Variants in RASSF2 observed in about 807,000 individuals in gnomAD.
RASSF2 encodes ras association domain-containing protein 2.
Under a neutral mutation model 46.3 loss-of-function variants are expected in RASSF2, and 34 were observed. That is an observed-to-expected ratio of 0.73 (90% CI 0.56 to 0.98). The LOEUF (loss-of-function observed/expected upper bound fraction) is 0.98. Ranked by LOEUF, RASSF2 falls within the 50% of genes least tolerant of loss-of-function variation. The probability of loss-of-function intolerance (pLI) is 0.00; values close to 1 mark genes in which losing one functional copy is unlikely to be tolerated. For synonymous variants in RASSF2, 158 were observed against 162.5 expected (o/e 0.97, Z 0.21); for missense variants, 364 against 431.2 (o/e 0.84, Z 1.38).
intron 2 of RASSF2, among the ~76,000 whole-genome samples, chr20:4,804,643 T>A (rs1401264811): frequency 6.6e-6 from 1 of 152,188 alleles, no homozygotes; most frequent in Non-Finnish European, 1.5e-5. Flanking sequence ...TGGCCAAAAC[T>A]TTTCTTTCTT....
chr20:4,785,355 A>G (rs1164112077), intron 11 of RASSF2, among the ~76,000 whole-genome samples: 1 of 152,006 alleles, frequency 6.6e-6, no homozygotes, highest in Non-Finnish European at 1.5e-5. Flanking sequence ...AAACAAAACA[A>G]CAACAACAAC....
At chr20:4,808,854 CAT>C (rs1927553554) in intron 2 of RASSF2, among the ~76,000 whole-genome samples, 1 of 152,200 alleles carries the variant, frequency 6.6e-6, no homozygotes, top group African/African-American at 2.4e-5. Context: ...CCTCTATGAA[CAT>C]AGTTACTTAC....
intron 1 of RASSF2, among the ~76,000 whole-genome samples, chr20:4,822,702 C>T (rs1928782120): frequency 6.6e-6 from 1 of 152,246 alleles, no homozygotes; most frequent in Admixed American, 6.5e-5. Context: ...GCACCAGCTC[C>T]GAAGGAGGGC....
chr20:4,795,686 G>T lies in RASSF2; in HGVS notation c.287+129C>A. ...CTCATTCCAAGGCTAAGGCAGGTGG[G>T]CAGTAGAGGTAGTAGGAGGAGGAGC... On this transcript the variant is annotated intron_variant, in intron 5 of 11. Coordinates refer to ENST00000379400, the MANE Select transcript of RASSF2 (RefSeq NM_014737.3). The surrounding 1 kb of genome is among the most constrained non-coding windows in gnomAD (Gnocchi z 4.0). The T allele has an allele frequency of 8.8e-7, 1 of 1,140,464 alleles. No homozygotes were observed. The highest frequency in any genetic ancestry group is 1.2e-6 in the Non-Finnish European group (1 of 815,438). 70.6% of individuals were successfully genotyped at this position (1,140,464 alleles called of 1,614,324 possible).
At chr20:4,810,622 G>A (rs1321600948) in intron 2 of RASSF2, among the ~76,000 whole-genome samples, 1 of 152,220 alleles carries the variant, frequency 6.6e-6, no homozygotes, top group Non-Finnish European at 1.5e-5. Context: ...CTCCAAGGGA[G>A]GGGCAGCCCT....
intron 11 of RASSF2, among the ~76,000 whole-genome samples, 153 bp from the exon 12 acceptor site, chr20:4,784,495 C>G (rs1183692278): frequency 6.9e-6 from 1 of 144,864 alleles, no homozygotes; most frequent in African/African-American, 2.6e-5. Flanking sequence ...CCCTCTTTAG[C>G]TACTTTGTTG....
In RASSF2 at chr20:4,792,550, G is replaced by A. The variant is rs1207670225; in HGVS notation, c.365C>T (p.Pro122Leu). Residue 122 changes from proline to leucine, a missense_variant, in exon 6 of 12, where the codon CCA (proline) becomes CTA (leucine). Pro to Leu is a moderately conservative substitution (Grantham distance 98). Coordinates refer to ENST00000379400, the MANE Select transcript of RASSF2 (RefSeq NM_014737.3). ...VDAPPEGDQM[P>L]SSTDSRGLKP... is the part of the protein sequence containing the mutation. ...CCACTCACATGTACCTGTGGAGCTT[G>A]GCATCTGGTCACCCTCCGGCGGGGC... 2 of 1,614,108 alleles carry A rather than the reference G, an allele frequency of 1.2e-6. No individual in the cohort carries two copies. Among genetic ancestry groups the A allele is most frequent in the Admixed American group, 1.7e-5 (1 of 60,016 alleles).
rs1329209019 is a variant in RASSF2 at position 4,800,985 on chromosome 20, T to C, written c.46A>G (p.Lys16Glu). The change falls in exon 3 of 12, where the codon AAA (lysine) becomes GAA (glutamate). Residue 16 changes from lysine (K) to glutamate (E), a missense_variant. Transcript: ENST00000379400. ...QTSLVPCGQD[K>E]YISKNELLLH... ...AAAACGTCTTACTTGGAAATGTATT[T>C]ATCTTGTCCACATGGGACTAGGGAC... The C allele has an allele frequency of 8.7e-6, 14 of 1,612,170 alleles. No individual in the cohort carries two copies. The highest frequency in any genetic ancestry group is 1.3e-5 in the African/African-American group (1 of 74,898).
chr20:4,800,957 A>T lies in RASSF2; in HGVS notation c.59+15T>A. 3 of 1,605,242 alleles carry T rather than the reference A, an allele frequency of 1.9e-6. No homozygotes were observed. The highest frequency in any genetic ancestry group is 2.6e-6 in the Non-Finnish European group (3 of 1,171,856). ...CTGGTCACTGAGGACAAAACACTCC[A>T]GCAAAACGTCTTACTTGGAAATGTA... On this transcript the variant is annotated intron_variant, in intron 3 of 11. Transcript: ENST00000379400.
chr20:4,798,996 G>A (rs1241538337), intron 3 of RASSF2, among the ~76,000 whole-genome samples: 1 of 151,986 alleles, frequency 6.6e-6, no homozygotes, highest in Non-Finnish European at 1.5e-5. Context: ...TATAGGATAT[G>A]TGCTTTTCTT....
Position 4,801,162 on chromosome 20 carries a change from G to T in RASSF2, c.-32-100C>A, listed in dbSNP as rs1926836523. 24 of 810,040 alleles carry T rather than the reference G, an allele frequency of 3.0e-5. 1 individual carries two copies. In the South Asian group the frequency reaches 3.7e-4, roughly 12 times the overall value. 50.2% of individuals were successfully genotyped at this position (810,040 alleles called of 1,614,324 possible). ...AGGGGGCACAAAATTGGACGCCATGGCTCTCCGTTCCTCCCCACCCAGATC... is the reference window on the plus strand; with the variant it reads ...AGGGGGCACAAAATTGGACGCCATGTCTCTCCGTTCCTCCCCACCCAGATC... On this transcript the variant is annotated intron_variant, in intron 2 of 11. Transcript: ENST00000379400.
chr20:4,794,993 A>T (rs2423001), intron 5 of RASSF2, among the ~76,000 whole-genome samples: 61,763 of 152,104 alleles, frequency 0.41, 12,723 homozygotes, highest in African/African-American at 0.44. Context: ...CCAGAAAAAA[A>T]GGTCACTGTG....
Position 4,795,875 on chromosome 20 carries a change from C to A in RASSF2, c.227G>T (p.Arg76Leu), listed in dbSNP as rs754308859. Reference protein sequence around the residue: ...IRLQMQDDNERIRPPPSSSSW... With the variant: ...IRLQMQDDNELIRPPPSSSSW... ...GGAGGAGGATGGAGGGGGTCGAATGCGTTCGTTGTCATCCTGCATCTGCAG... is the reference window on the plus strand; with the variant it reads ...GGAGGAGGATGGAGGGGGTCGAATGAGTTCGTTGTCATCCTGCATCTGCAG... The change falls in exon 5 of 12, where the codon CGC (arginine) becomes CTC (leucine). Residue 76 changes from arginine to leucine, a missense_variant. Transcript: ENST00000379400. The surrounding 1 kb of genome is among the most constrained non-coding windows in gnomAD (Gnocchi z 4.0). 11 of 1,610,000 alleles carry A rather than the reference C, an allele frequency of 6.8e-6. No individual in the cohort carries two copies. The South Asian group carries it at 9.9e-5, about 14-fold the overall frequency.
At chr20:4,801,848 C>G (rs551810794) in intron 2 of RASSF2, among the ~76,000 whole-genome samples, 25 of 152,210 alleles carry the variant, frequency 1.6e-4, no homozygotes, top group African/African-American at 6.0e-4. Context: ...AGGTGATTCT[C>G]TTGCCTCAGC....
At chr20:4,786,708 G>C (rs1404179561) in intron 10 of RASSF2, among the ~76,000 whole-genome samples, 1 of 152,160 alleles carries the variant, frequency 6.6e-6, no homozygotes, top group Non-Finnish European at 1.5e-5. Flanking sequence ...TCCAGATGAC[G>C]ATTTGGGTCT....
intron 3 of RASSF2, among the ~76,000 whole-genome samples, chr20:4,799,671 G>A (rs1055949289): frequency 4.6e-5 from 7 of 152,212 alleles, no homozygotes; most frequent in Non-Finnish European, 7.3e-5. Flanking sequence ...ATCTGAAACC[G>A]GGAGAGAAAA....
chr20:4,810,635 C>T (rs1927708969), intron 2 of RASSF2, among the ~76,000 whole-genome samples: 1 of 152,230 alleles, frequency 6.6e-6, no homozygotes, highest in Non-Finnish European at 1.5e-5. Flanking sequence ...GCAGCCCTGG[C>T]AGGAAAGTCC....
At chr20:4,796,106 C>A in intron 4 of RASSF2, 140 bp from the exon 5 acceptor site, 1 of 769,164 alleles carries the variant, frequency 1.3e-6, no homozygotes, top group Non-Finnish European at 1.8e-6. Context: ...GGGCAGCTGC[C>A]CAGTTCACAC....
rs896399999 is a variant in RASSF2, at chr20:4,788,260, A to G, written c.648T>C (p.Asn216=). The stretch of plus-strand genomic sequence containing the variant: ...CGTACAAGGCAAACTCCTCTGCTGA[A>G]TTCTCAATCTGAAGCAGGAGCAAAA... ...KLLLNKFKIE[N]SAEEFALYVV... The change falls in exon 9 of 12, where the codon AAT becomes AAC. Residue 216 remains asparagine (N), a synonymous_variant. Transcript: ENST00000379400. The G allele has an allele frequency of 6.2e-7, 1 of 1,608,430 alleles. No individual in the cohort carries two copies. Among genetic ancestry groups the G allele is most frequent in the African/African-American group, 1.3e-5 (1 of 74,814 alleles).
Sources: allele counts gnomAD v4.1 joint callset (sites outside exome capture counted in the v4.1 genomes callset), GRCh38; gene constraint gnomAD v4.1.1; non-coding constraint Gnocchi (gnomAD v3.1); transcripts MANE v1.5; gene names NCBI Gene and HGNC (gene_info 2026-07-23, HGNC 2026-07-21).